Variants in ARFIP1 observed in about 807,000 individuals in gnomAD.
ARFIP1 encodes ARF interacting protein 1.
ARFIP1 carries 24 observed loss-of-function variants against 42.5 expected under a neutral mutation model. That is an observed-to-expected ratio of 0.57 (90% CI 0.41 to 0.80). The LOEUF is 0.80. Among genes scored for constraint, ARFIP1 ranks in the 30% least tolerant of loss-of-function variants. ARFIP1 has a pLI of 0.00. For synonymous variants in ARFIP1, 141 were observed against 153.7 expected, an observed-to-expected ratio of 0.92 and a Z score of 0.61; for missense variants, 354 against 434.0, an observed-to-expected ratio of 0.82 and a Z score of 1.64.
At chr4:152,783,311 A>C (rs904186783) in intron 1 of ARFIP1, among the ~76,000 whole-genome samples, 2 of 152,216 alleles carry the variant, frequency 1.3e-5, no homozygotes, top group Non-Finnish European at 2.9e-5. Context: ...CTCCATCTCA[A>C]AAACAACATC....
intron 1 of ARFIP1, among the ~76,000 whole-genome samples, chr4:152,788,050 A>G (rs993153785): frequency 1.3e-5 from 2 of 152,040 alleles, no homozygotes; most frequent in African/African-American, 2.4e-5. Context: ...ACATGGTGAA[A>G]CCCTGTCTCT....
At chr4:152,829,507 T>G in intron 1 of ARFIP1, 118 bp from the exon 2 acceptor site, 4 of 582,754 alleles carry the variant, frequency 6.9e-6, no homozygotes, top group Non-Finnish European at 1.2e-5. Context: ...TATACAAGTA[T>G]TTGGTAGGTT....
intron 5 of ARFIP1, among the ~76,000 whole-genome samples, chr4:152,877,530 C>A (rs1735465231): frequency 6.6e-6 from 1 of 152,154 alleles, no homozygotes; most frequent in Non-Finnish European, 1.5e-5. Flanking sequence ...AGACTTTGGA[C>A]TGTGGACTTT....
At chr4:152,905,768 G>T (rs1169594092) in intron 8 of ARFIP1, among the ~76,000 whole-genome samples, 2 of 151,754 alleles carry the variant, frequency 1.3e-5, no homozygotes, top group African/African-American at 2.4e-5. Flanking sequence ...GGCCAGGCTG[G>T]TCTTCAACTC....
At chr4:152,795,581 A>T (rs573993410) in intron 1 of ARFIP1, among the ~76,000 whole-genome samples, 1 of 152,140 alleles carries the variant, frequency 6.6e-6, no homozygotes, top group Admixed American at 6.5e-5. Context: ...AGTTAAGTGT[A>T]TATGTCATTT....
intron 3 of ARFIP1, among the ~76,000 whole-genome samples, chr4:152,867,656 CA>C (rs1225491182): frequency 6.6e-6 from 1 of 151,962 alleles, no homozygotes; most frequent in Non-Finnish European, 1.5e-5. Context: ...TGGTATTATA[CA>C]ATAATTGAAA....
chr4:152,902,128 A>G (rs1737888857), intron 8 of ARFIP1, among the ~76,000 whole-genome samples: 1 of 152,260 alleles, frequency 6.6e-6, no homozygotes, highest in Non-Finnish European at 1.5e-5. Flanking sequence ...CAATCCATCT[A>G]TCACCTGTCT....
intron 1 of ARFIP1, among the ~76,000 whole-genome samples, chr4:152,800,731 C>CA (rs1192842052): frequency 3.3e-5 from 5 of 152,038 alleles, no homozygotes; most frequent in African/African-American, 1.2e-4. Flanking sequence ...TTGTGTAACT[C>CA]AGACATCTAA....
At chr4:152,789,186 G>C (rs926970694) in intron 1 of ARFIP1, among the ~76,000 whole-genome samples, 2 of 148,944 alleles carry the variant, frequency 1.3e-5, no homozygotes, top group Non-Finnish European at 3.0e-5. Context: ...CACCTCCTGG[G>C]TTCAAGCGAT....
At chr4:152,798,504 T>C (rs1031203615) in intron 1 of ARFIP1, among the ~76,000 whole-genome samples, 4 of 152,248 alleles carry the variant, frequency 2.6e-5, no homozygotes, top group Non-Finnish European at 5.9e-5. Flanking sequence ...GTATGTTTCC[T>C]ACCTGCCTTA....
chr4:152,889,755 TTATA>T (rs1736623235), intron 8 of ARFIP1, among the ~76,000 whole-genome samples: 1 of 35,216 alleles, frequency 2.8e-5, no homozygotes, highest in Non-Finnish European at 5.7e-5. Context: ...ATACTATATA[TTATA>T]TACTATACTA....
chr4:152,834,448 C>T (rs977455412), intron 2 of ARFIP1, among the ~76,000 whole-genome samples: 7 of 152,188 alleles, frequency 4.6e-5, no homozygotes, highest in African/African-American at 1.7e-4. Context: ...GTTATTTACT[C>T]CCAAGATACA....
Position 152,912,055 on chromosome 4 carries a change from G to A in ARFIP1, c.*1836G>A, listed in dbSNP as rs982123873. On this transcript the variant is annotated 3_prime_UTR_variant, in exon 9 of 9. Transcript: ENST00000353617. ...GCTCAGTAAGCTATTTTTTTTCAAT[G>A]TGAATCTCTTTTGAGAGCTGAACAT... 6.6e-6 allele frequency: 1 copy of A among 151,984 alleles called. No homozygotes were observed. Among genetic ancestry groups the A allele is most frequent in the Admixed American group, 6.6e-5 (1 of 15,236 alleles). The allele number at this position is 151,984 out of a possible 1,614,324, so 9.4% of individuals were successfully genotyped here.
chr4:152,824,170 G>A (rs1314409786), intron 1 of ARFIP1, among the ~76,000 whole-genome samples: 1 of 151,574 alleles, frequency 6.6e-6, no homozygotes, highest in Non-Finnish European at 1.5e-5. Context: ...AAAATTAGCT[G>A]GAAGTGTTGG....
At chr4:152,797,507 T>C (rs555540790) in intron 1 of ARFIP1, among the ~76,000 whole-genome samples, 1 of 152,356 alleles carries the variant, frequency 6.6e-6, no homozygotes, top group Non-Finnish European at 1.5e-5. Flanking sequence ...TTGTTAGTAT[T>C]TTCATTGTAT....
chr4:152,810,664 AT>A (rs1391635103), intron 1 of ARFIP1, among the ~76,000 whole-genome samples: 2 of 151,878 alleles, frequency 1.3e-5, no homozygotes, highest in South Asian at 2.1e-4. Context: ...AAAAAAAAAA[AT>A]ATTAGCTGGG....
At chr4:152,788,801 C>CTTTTTTTTTTTTT (rs138189664) in intron 1 of ARFIP1, among the ~76,000 whole-genome samples, 5 of 113,414 alleles carry the variant, frequency 4.4e-5, no homozygotes, top group Non-Finnish European at 7.1e-5. Context: ...TCCCCAATGT[C>CTTTTTTTTTTTTT]TTTTTTTTTT....
intron 8 of ARFIP1, among the ~76,000 whole-genome samples, chr4:152,906,811 A>G (rs141106523): frequency 4.2e-4 from 64 of 152,340 alleles, no homozygotes; most frequent in Non-Finnish European, 7.3e-4. Flanking sequence ...TGCTGCAGTC[A>G]TAGAGGCCTT....
intron 2 of ARFIP1, among the ~76,000 whole-genome samples, chr4:152,855,795 A>G (rs555775760): frequency 2.0e-5 from 3 of 152,300 alleles, no homozygotes; most frequent in African/African-American, 7.2e-5. Flanking sequence ...GGATTGCAAG[A>G]GTCCACAGTG....
Sources: allele counts gnomAD v4.1 joint callset (sites outside exome capture counted in the v4.1 genomes callset), GRCh38; gene constraint gnomAD v4.1.1; transcripts MANE v1.5; gene names NCBI Gene and HGNC (gene_info 2026-07-23, HGNC 2026-07-21).